AUTS2: variants seen among roughly 807,000 people sequenced by gnomAD.
The protein encoded by AUTS2 is autism susceptibility gene 2 protein.
Under a neutral mutation model 112.4 loss-of-function variants are expected in AUTS2, and 17 were observed. The ratio of observed to expected loss-of-function variants is 0.15; its 90% CI spans 0.10 to 0.23. AUTS2 has a LOEUF of 0.23. AUTS2 is among the 10% of genes least tolerant of loss of function. AUTS2 has a pLI of 1.00. For missense variants in AUTS2, 1,510 were observed against 1,701.6 expected (o/e 0.89, Z 1.98); for synonymous variants, 751 against 702.7 (o/e 1.07, Z -1.09).
chr7:70,514,677 A>G (rs981863112), intron 5 of AUTS2, among the ~76,000 whole-genome samples: 25 of 152,164 alleles, frequency 1.6e-4, no homozygotes, highest in Admixed American at 3.3e-4. Context: ...TCCAAAGCGT[A>G]TCATGGGGTC....
chr7:70,326,469 C>T (rs1240567530), intron 4 of AUTS2, among the ~76,000 whole-genome samples: 1 of 152,172 alleles, frequency 6.6e-6, no homozygotes, highest in African/African-American at 2.4e-5. Context: ...CTTAATAGTC[C>T]TTCTTACCTA....
intron 1 of AUTS2, among the ~76,000 whole-genome samples, chr7:69,699,534 C>T (rs2129186475): frequency 1.3e-5 from 2 of 152,020 alleles, no homozygotes. Flanking sequence ...CTTTTTATAG[C>T]TGCTTAATAT....
intron 4 of AUTS2, among the ~76,000 whole-genome samples, chr7:70,220,129 C>T (rs1303079265): frequency 6.6e-6 from 1 of 152,146 alleles, no homozygotes; most frequent in Non-Finnish European, 1.5e-5. Context: ...AGAGCAGCCG[C>T]AGTCATAGAT....
intron 4 of AUTS2, among the ~76,000 whole-genome samples, chr7:70,267,426 T>G (rs1787485559): frequency 6.6e-6 from 1 of 152,190 alleles, no homozygotes; most frequent in Non-Finnish European, 1.5e-5. Context: ...AATCTTGTCT[T>G]CTACCCAGGA....
At chr7:70,141,528 G>A (rs934363989) in intron 4 of AUTS2, among the ~76,000 whole-genome samples, 5 of 152,158 alleles carry the variant, frequency 3.3e-5, no homozygotes, top group Non-Finnish European at 7.4e-5. Context: ...CTGGGCAAAC[G>A]AAAGTTGTTG....
intron 2 of AUTS2, among the ~76,000 whole-genome samples, chr7:69,944,501 A>AT (rs1562985699): frequency 6.6e-6 from 1 of 152,106 alleles, no homozygotes; most frequent in East Asian, 1.9e-4. Flanking sequence ...TATTGCATTG[A>AT]TTTTTGGAAA....
intron 5 of AUTS2, among the ~76,000 whole-genome samples, chr7:70,509,137 G>A (rs985594695): frequency 2.6e-5 from 4 of 152,074 alleles, no homozygotes; most frequent in East Asian, 3.9e-4. Context: ...TTCTTTCTTC[G>A]CAGCAATAAG....
At chr7:70,355,896 A>G (rs1281377353) in intron 4 of AUTS2, among the ~76,000 whole-genome samples, 2 of 152,224 alleles carry the variant, frequency 1.3e-5, no homozygotes, top group Non-Finnish European at 2.9e-5. Flanking sequence ...TTACATCTGT[A>G]CAAAGGTTCC....
intron 2 of AUTS2, among the ~76,000 whole-genome samples, chr7:69,965,721 G>A (rs1445257542): frequency 6.6e-6 from 1 of 152,078 alleles, no homozygotes; most frequent in African/African-American, 2.4e-5. Flanking sequence ...AGAAATTAGA[G>A]GTCTTATTTT....
intron 5 of AUTS2, among the ~76,000 whole-genome samples, chr7:70,453,153 C>T (rs1416267523): frequency 6.6e-6 from 1 of 152,156 alleles, no homozygotes; most frequent in Non-Finnish European, 1.5e-5. Context: ...GATAAGGGCA[C>T]CATGGGTCCC....
At chr7:70,163,210 C>T in intron 4 of AUTS2, among the ~76,000 whole-genome samples, 1 of 151,764 alleles carries the variant, frequency 6.6e-6, no homozygotes, top group Non-Finnish European at 1.5e-5. Context: ...TATGTTTAAA[C>T]ACCCAGGACG....
intron 4 of AUTS2, among the ~76,000 whole-genome samples, chr7:70,409,795 A>G (rs1794698133): frequency 6.6e-6 from 1 of 152,200 alleles, no homozygotes; most frequent in Non-Finnish European, 1.5e-5. Flanking sequence ...ATTGGAGAAA[A>G]GGGGCTTAGG....
At chr7:69,949,529 TG>T (rs1796947316) in intron 2 of AUTS2, among the ~76,000 whole-genome samples, 1 of 152,224 alleles carries the variant, frequency 6.6e-6, no homozygotes, top group African/African-American at 2.4e-5. Context: ...CATTTTGCCT[TG>T]CACAATAAAC....
At chr7:70,467,048 A>G (rs938532531) in intron 5 of AUTS2, among the ~76,000 whole-genome samples, 10 of 152,240 alleles carry the variant, frequency 6.6e-5, no homozygotes, top group African/African-American at 2.4e-4. Context: ...TAAAACAATT[A>G]TCTACTTCCT....
chr7:69,979,307 G>C (rs555406047), intron 2 of AUTS2, among the ~76,000 whole-genome samples: 1 of 152,190 alleles, frequency 6.6e-6, no homozygotes, highest in South Asian at 2.1e-4. Flanking sequence ...AGGAAAACTT[G>C]CTGTTTGAGA....
At chr7:69,737,215 TTTTG>T (rs1271962034) in intron 1 of AUTS2, among the ~76,000 whole-genome samples, 3 of 152,212 alleles carry the variant, frequency 2.0e-5, no homozygotes, top group African/African-American at 4.8e-5. Context: ...AGATTGTTTT[TTTTG>T]TTTCTTTTTT....
At chr7:70,625,263 A>G (rs1225022596) in intron 5 of AUTS2, among the ~76,000 whole-genome samples, 5 of 152,350 alleles carry the variant, frequency 3.3e-5, no homozygotes, top group African/African-American at 9.6e-5. Flanking sequence ...TGTGGTATGT[A>G]GCCAAGTGCT....
At chr7:69,702,278 A>G (rs1797851088) in intron 1 of AUTS2, among the ~76,000 whole-genome samples, 3 of 152,192 alleles carry the variant, frequency 2.0e-5, no homozygotes, top group South Asian at 2.1e-4. Flanking sequence ...TTTCTGCAAT[A>G]TCTTCCTGGG....
intron 2 of AUTS2, among the ~76,000 whole-genome samples, chr7:69,901,956 A>G (rs568539772): frequency 1.6e-4 from 25 of 152,204 alleles, no homozygotes; most frequent in Non-Finnish European, 3.4e-4. Context: ...ATTTATGAAT[A>G]ACACAAATAC....
Sources: allele counts gnomAD v4.1 joint callset (sites outside exome capture counted in the v4.1 genomes callset), GRCh38; gene constraint gnomAD v4.1.1; transcripts MANE v1.5; gene names NCBI Gene and HGNC (gene_info 2026-07-23, HGNC 2026-07-21).